The following SEMA6A variants were observed in gnomAD, a reference collection of about 807,000 sequenced individuals.
SEMA6A encodes the protein semaphorin 6A.
SEMA6A carries 25 observed loss-of-function variants against 96.8 expected under a neutral mutation model. The ratio of observed to expected loss-of-function variants is 0.26; its 90% confidence interval spans 0.19 to 0.36. The LOEUF is 0.36. Ranked by LOEUF, SEMA6A falls within the 10% of genes least tolerant of loss-of-function variation. The pLI, the probability that SEMA6A is intolerant of heterozygous loss-of-function variation, is 1.00. For synonymous variants in SEMA6A, 612 were observed against 518.0 expected (o/e 1.18, Z -2.46); for missense variants, 1,363 against 1,323.1 (o/e 1.03, Z -0.47).
chr5:116,466,762 G>A (rs1410640121), intron 18 of SEMA6A, among the ~76,000 whole-genome samples: 1 of 152,152 alleles, frequency 6.6e-6, no homozygotes, highest in East Asian at 1.9e-4. Flanking sequence ...TTCTGAATGG[G>A]GAGAAACAGC....
chr5:116,557,068 T>C (rs111433567), intron 1 of SEMA6A, among the ~76,000 whole-genome samples: 1 of 152,234 alleles, frequency 6.6e-6, no homozygotes, highest in Admixed American at 6.5e-5. Flanking sequence ...CTCTTCTTAA[T>C]ATCTTTAGAG....
chr5:116,557,137 G>T (rs1485918584), intron 1 of SEMA6A, among the ~76,000 whole-genome samples: 4 of 152,220 alleles, frequency 2.6e-5, no homozygotes, highest in Admixed American at 6.5e-5. Flanking sequence ...AAAATGTGTT[G>T]AAGTTTGAGA....
intron 1 of SEMA6A, among the ~76,000 whole-genome samples, chr5:116,573,137 CG>C (rs1468489584): frequency 6.6e-6 from 1 of 152,162 alleles, no homozygotes; most frequent in Non-Finnish European, 1.5e-5. Context: ...AGACACTTCC[CG>C]CCCCAGAAGG....
intron 1 of SEMA6A, among the ~76,000 whole-genome samples, chr5:116,519,015 C>A (rs1456799679): frequency 1.3e-5 from 2 of 151,762 alleles, no homozygotes; most frequent in African/African-American, 4.8e-5. Context: ...AAAAAAAAGT[C>A]ATTCTAAAAT....
At chr5:116,451,818 A>G (rs1202701223) in intron 18 of SEMA6A, among the ~76,000 whole-genome samples, 1 of 152,240 alleles carries the variant, frequency 6.6e-6, no homozygotes, top group Admixed American at 6.5e-5. Flanking sequence ...ACAAAAATAA[A>G]TCTATAATGG....
At chr5:116,448,196 A>AAAAAAAAAAAAT (rs780426357) in intron 18 of SEMA6A, among the ~76,000 whole-genome samples, 72 of 138,688 alleles carry the variant, frequency 5.2e-4, no homozygotes, top group African/African-American at 8.1e-4. Context: ...AAAAAAAAAA[A>AAAAAAAAAAAAT]TTAGCCAGGC....
intron 18 of SEMA6A, among the ~76,000 whole-genome samples, chr5:116,450,712 C>G (rs1335947322): frequency 6.6e-6 from 1 of 152,106 alleles, no homozygotes; most frequent in Non-Finnish European, 1.5e-5. Context: ...TCCCCCGTCT[C>G]ATTTTGTTAT....
At chr5:116,473,993 G>T (rs997952229) in intron 16 of SEMA6A, among the ~76,000 whole-genome samples, 1 of 152,126 alleles carries the variant, frequency 6.6e-6, no homozygotes, top group African/African-American at 2.4e-5. Context: ...TGGAAATAAA[G>T]AGTAAAGCAC....
chr5:116,508,604 C>A (rs1758255309), intron 1 of SEMA6A, among the ~76,000 whole-genome samples: 1 of 152,042 alleles, frequency 6.6e-6, no homozygotes, highest in Admixed American at 6.5e-5. Context: ...CAGAAGCTGA[C>A]TCAGAGAGAA....
intron 1 of SEMA6A, among the ~76,000 whole-genome samples, chr5:116,572,623 A>C (rs887821218): frequency 1.3e-5 from 2 of 152,106 alleles, no homozygotes; most frequent in African/African-American, 4.8e-5. Flanking sequence ...GCCTGTGTCC[A>C]CACGCACCTT....
chr5:116,472,795 G>A, intron 17 of SEMA6A: 1 of 970,088 alleles, frequency 1.0e-6, no homozygotes, highest in East Asian at 2.8e-5. Context: ...AAAGAATCTG[G>A]TCCATGATGT....
At chr5:116,469,596 C>T (rs1297899178) in intron 17 of SEMA6A, 7 of 152,150 alleles carry the variant, frequency 4.6e-5, no homozygotes, top group South Asian at 2.1e-4. Flanking sequence ...AAATACCTCC[C>T]CTCCAAGTAG....
intron 13 of SEMA6A, 157 bp downstream of exon 13, chr5:116,478,385 G>A: frequency 2.3e-6 from 2 of 873,836 alleles, no homozygotes; most frequent in East Asian, 2.7e-5. Flanking sequence ...TTGGCAAGGA[G>A]AAAATAATGC....
rs1010205970 is a variant in SEMA6A, at chr5:116,446,441, G to A, written c.*172C>T. The A allele has an allele frequency of 3.0e-5, 16 of 526,726 alleles. No homozygotes were observed. The highest frequency in any genetic ancestry group is 5.0e-5 in the South Asian group (1 of 19,988). 32.6% of individuals were successfully genotyped at this position (526,726 alleles called of 1,614,324 possible). A position where few individuals can be genotyped will look rare whatever the true frequency, so the allele number is the denominator to read the frequency against. On this transcript the variant is annotated 3_prime_UTR_variant, in exon 19 of 19. Coordinates refer to ENST00000343348, the MANE Select transcript of SEMA6A (RefSeq NM_020796.5). ...GTTGCAAACCTTCACCAAACCACGC[G>A]GCCCAGTTTTCGTGAGTACCCCTGT...
At chr5:116,470,844 T>A (rs1444284439) in intron 17 of SEMA6A, among the ~76,000 whole-genome samples, 1 of 152,206 alleles carries the variant, frequency 6.6e-6, no homozygotes, top group East Asian at 1.9e-4. Context: ...ATGCACTTTT[T>A]ACTTTGGAAT....
At chr5:116,544,920 T>C (rs1760121792) in intron 1 of SEMA6A, among the ~76,000 whole-genome samples, 1 of 152,226 alleles carries the variant, frequency 6.6e-6, no homozygotes, top group Admixed American at 6.5e-5. Context: ...CTGGTTCTCT[T>C]TGCCTTCTTG....
chr5:116,486,307 G>A (rs1217388717), intron 10 of SEMA6A, among the ~76,000 whole-genome samples: 1 of 152,184 alleles, frequency 6.6e-6, no homozygotes, highest in Non-Finnish European at 1.5e-5. Context: ...GTCAAATACT[G>A]CAAATTATTA....
chr5:116,489,572 C>G (rs9885339), intron 7 of SEMA6A, among the ~76,000 whole-genome samples: 2 of 152,202 alleles, frequency 1.3e-5, no homozygotes, highest in South Asian at 4.2e-4. Flanking sequence ...CTTGACAGTT[C>G]ACTAAACCCT....
intron 18 of SEMA6A, chr5:116,449,382 G>A (rs1463479038): frequency 2.8e-6 from 2 of 702,080 alleles, no homozygotes; most frequent in Admixed American, 2.0e-5. Flanking sequence ...TATGTTTCAT[G>A]TATTTTACTG....
Sources: gnomAD v4.1 joint callset for allele counts (sites outside exome capture counted in the v4.1 genomes callset) on GRCh38, gnomAD v4.1.1 for gene constraint, MANE v1.5 for transcripts, NCBI Gene and HGNC (gene_info 2026-07-23, HGNC 2026-07-21) for gene names.